Variants in AIPL1 observed in about 807,000 individuals in gnomAD.
AIPL1 encodes the protein aryl-hydrocarbon-interacting protein-like 1.
Under a neutral mutation model 32.9 loss-of-function variants are expected in AIPL1, and 23 were observed. The ratio of observed to expected loss-of-function variants is 0.70; its 90% confidence interval spans 0.50 to 0.99. AIPL1 has a LOEUF of 0.99. Among genes scored for constraint, AIPL1 ranks in the 50% least tolerant of loss-of-function variants. The pLI is 0.00. For synonymous variants in AIPL1, 210 were observed against 209.4 expected, an observed-to-expected ratio of 1.00 and a Z score of -0.02; for missense variants, 485 against 506.0, an observed-to-expected ratio of 0.96 and a Z score of 0.40.
rs748991824 is a variant in AIPL1, at chr17:6,426,963, C to T, written c.560G>A (p.Arg187Gln). The change falls in exon 4 of 6, where the codon CGG (arginine) becomes CAG (glutamine). Residue 187 changes from arginine (R) to glutamine (Q), a missense_variant. Transcript: ENST00000381129. ...CTCGTAGCGGCCCAGCTTGAAGAGCCGATTTCCCTCTCCGTGGAGGACGGG... is the reference window on the plus strand; with the variant it reads ...CTCGTAGCGGCCCAGCTTGAAGAGCTGATTTCCCTCTCCGTGGAGGACGGG... ...AVPVLHGEGN[R>Q]LFKLGRYEEA... 5.6e-6 allele frequency: 9 copies of T among 1,614,074 alleles called. No homozygotes were observed. Among genetic ancestry groups the T allele is most frequent in the African/African-American group, 1.3e-5 (1 of 74,924 alleles).
At chr17:6,433,221 T>A (rs1314540511) in intron 2 of AIPL1, among the ~76,000 whole-genome samples, 1 of 152,158 alleles carries the variant, frequency 6.6e-6, no homozygotes, top group Admixed American at 6.5e-5. Context: ...AAACTTGCAA[T>A]GTGAGGAGGA....
chr17:6,433,818 G>A lies in AIPL1; in HGVS notation c.276+101C>T, dbSNP rs56052619. On this transcript the variant is annotated intron_variant, in intron 2 of 5. Coordinates refer to ENST00000381129, the MANE Select transcript of AIPL1 (RefSeq NM_014336.5). ...TGCAGGACTGGCTTTGCAAAGCTTC[G>A]CTTGAGTCCCAGCTTTCCCGAAACA... 2.4e-3 allele frequency: 3,428 copies of A among 1,430,010 alleles called. 41 individuals carry two copies. The African/African-American group carries it at 0.039, about 16-fold the overall frequency. 88.6% of individuals were successfully genotyped at this position (1,430,010 alleles called of 1,614,324 possible).
At position 6,428,224 on chromosome 17, in the gene AIPL1, T is replaced by A. The variant is rs954650073; in HGVS notation, c.465+94A>T. On this transcript the variant is annotated intron_variant, in intron 3 of 5. Transcript: ENST00000381129. Reference sequence around the variant, plus strand: ...TATTATCTAAACAGAAACAGGGCACTGTCCAGTGGCCAGTGGGGTGGGGGT... The same window carrying A: ...TATTATCTAAACAGAAACAGGGCACAGTCCAGTGGCCAGTGGGGTGGGGGT... 6 of 1,370,246 alleles carry A rather than the reference T, an allele frequency of 4.4e-6. No individual in the cohort carries two copies. In the African/African-American group the frequency reaches 8.6e-5, roughly 20 times the overall value. 84.9% of individuals were successfully genotyped at this position (1,370,246 alleles called of 1,614,324 possible). A position where few individuals can be genotyped will look rare whatever the true frequency, so the allele number is the denominator to read the frequency against.
At chr17:6,426,529 A>G in intron 5 of AIPL1, 86 bp downstream of exon 5, 1 of 1,546,782 alleles carries the variant, frequency 6.5e-7, no homozygotes, top group South Asian at 1.2e-5. Flanking sequence ...TGGGGTGGAA[A>G]GAAAAGTCCA....
chr17:6,424,359 A>G lies in AIPL1; in HGVS notation c.*1101T>C, dbSNP rs1254406723. 3 of 152,214 alleles carry G rather than the reference A, an allele frequency of 2.0e-5. No homozygotes were observed. Among genetic ancestry groups the G allele is most frequent in the African/African-American group, 7.2e-5 (3 of 41,442 alleles). The allele number at this position is 152,214 out of a possible 1,614,324, so 9.4% of individuals were successfully genotyped here. A position where few individuals can be genotyped will look rare whatever the true frequency, so the allele number is the denominator to read the frequency against. On this transcript the variant is annotated 3_prime_UTR_variant, in exon 6 of 6. Transcript: ENST00000381129. Reference sequence around the variant, plus strand: ...AGAAGTTACTACTCCTTCCCTAGAAATCTTTGTATATGCAGCTCCTTAATC... The same window carrying G: ...AGAAGTTACTACTCCTTCCCTAGAAGTCTTTGTATATGCAGCTCCTTAATC...
At position 6,434,113 on chromosome 17, in the gene AIPL1, G is replaced by A. The variant is rs190887679; in HGVS notation, c.97-15C>T. 510 of 1,610,748 alleles carry A rather than the reference G, an allele frequency of 3.2e-4. No homozygotes were observed. Among genetic ancestry groups the A allele is most frequent in the African/African-American group, 9.9e-4 (74 of 74,872 alleles). On this transcript the variant is annotated splice_polypyrimidine_tract_variant and intron_variant, in intron 1 of 5. Transcript: ENST00000381129. ...TGAAAGATCACCTAGTCACCGAGAC[G>A]GTGCACTCTGCTCTAGACACACTGT...
At position 6,433,331 on chromosome 17, in the gene AIPL1, T is replaced by C. The variant is rs2150690389; in HGVS notation, c.276+588A>G. Among the ~76,000 whole-genome samples, 4 of 152,276 alleles carry C rather than the reference T, an allele frequency of 2.6e-5. No homozygotes were observed. The South Asian group carries it at 8.3e-4, about 32-fold the overall frequency. ...CAAGGACTTAGCCGGGCAAGATGGC[T>C]CATGCCTATAATTCCAGCACTCTGG... On this transcript the variant is annotated intron_variant, in intron 2 of 5. Transcript: ENST00000381129.
At chr17:6,427,797 G>A (rs1268755282) in intron 3 of AIPL1, among the ~76,000 whole-genome samples, 4 of 146,244 alleles carry the variant, frequency 2.7e-5, no homozygotes, top group Non-Finnish European at 1.5e-5. Flanking sequence ...TTTAAAAACT[G>A]GTTCCAAGTG....
At chr17:6,433,454 G>C (rs1196414041) in intron 2 of AIPL1, among the ~76,000 whole-genome samples, 1 of 152,112 alleles carries the variant, frequency 6.6e-6, no homozygotes, top group Non-Finnish European at 1.5e-5. Flanking sequence ...AAAATGAGGT[G>C]TGGTGGTGCA....
chr17:6,426,860 C>T lies in AIPL1; in HGVS notation c.642+21G>A, dbSNP rs199644708. The T allele has an allele frequency of 4.0e-4, 650 of 1,613,932 alleles. 2 individuals are homozygous for T. In the African/African-American group the frequency reaches 7.7e-3, roughly 19 times the overall value. On this transcript the variant is annotated intron_variant, in intron 4 of 5. Coordinates refer to ENST00000381129, the MANE Select transcript of AIPL1 (RefSeq NM_014336.5). Reference sequence around the variant, plus strand: ...CCCCAGAGTCAGCGCCACTTCCCACCCCTGGCCAGCGGCCTCTGACCTTGG... The same window carrying T: ...CCCCAGAGTCAGCGCCACTTCCCACTCCTGGCCAGCGGCCTCTGACCTTGG...
At chr17:6,434,872 C>A (rs1913018801) in intron 1 of AIPL1, 137 bp downstream of exon 1, 3 of 1,476,320 alleles carry the variant, frequency 2.0e-6, no homozygotes, top group African/African-American at 2.8e-5. Context: ...GCTGGGAGCT[C>A]CCCGGAGGCC....
At position 6,424,218 on chromosome 17, in the gene AIPL1, G is replaced by A. The variant is rs1911693171; in HGVS notation, c.*1242C>T. ...TAACTTGAAGATGAGCTAAAACAGG[G>A]GCGAGTGGAAGCGGCTTTCCCTAAG... On this transcript the variant is annotated 3_prime_UTR_variant, in exon 6 of 6. Coordinates refer to ENST00000381129, the MANE Select transcript of AIPL1 (RefSeq NM_014336.5). 1 of 152,302 alleles carries A rather than the reference G, an allele frequency of 6.6e-6. No homozygotes were observed. The highest frequency in any genetic ancestry group is 6.5e-5 in the Admixed American group (1 of 15,286). 9.4% of individuals were successfully genotyped at this position (152,302 alleles called of 1,614,324 possible).
chr17:6,425,494 G>A lies in AIPL1; in HGVS notation c.1121C>T (p.Pro374Leu). 1.2e-6 allele frequency: 2 copies of A among 1,606,704 alleles called. No individual in the cohort carries two copies. Among genetic ancestry groups the A allele is most frequent in the Middle Eastern group, 1.7e-4 (1 of 5,970 alleles). ...CAGCGAGTGCCCTGGGGACGGGGGT[G>A]GCTCTGTGGCTGGCTCTGCAGGGGG... is the stretch of plus-strand genomic sequence containing the variant. ...AGPPAEPATE[P>L]PPSPGHSLQH is the part of the protein sequence containing the mutation. The change falls in exon 6 of 6, where the codon CCA becomes CTA. Residue 374 changes from proline (P) to leucine (L), a missense_variant. Pro to Leu is a moderately conservative substitution (Grantham distance 98). Transcript: ENST00000381129.
rs150656720 is a variant in AIPL1, at chr17:6,434,055, G to C, written c.140C>G (p.Thr47Arg). 7.3e-4 allele frequency: 1,171 copies of C among 1,614,120 alleles called. 10 individuals are homozygous for C. In the African/African-American group the frequency reaches 0.012, roughly 16 times the overall value. Residue 47 changes from threonine to arginine, a missense_variant, in exon 2 of 6, where the codon ACA becomes AGA. By Grantham distance (71) the Thr-to-Arg change is moderately conservative. Coordinates refer to ENST00000381129, the MANE Select transcript of AIPL1 (RefSeq NM_014336.5). The part of the protein sequence containing the change: ...FRTMKCDEER[T>R]VIDDSRQVGQ... ...CACCTGCCGACTGTCGTCAATGACT[G>C]TCCGCTCCTCATCACATTTCATGGT... is the stretch of plus-strand genomic sequence containing the variant.
chr17:6,431,848 G>T (rs375817701), intron 2 of AIPL1, among the ~76,000 whole-genome samples: 2 of 152,264 alleles, frequency 1.3e-5, no homozygotes, highest in African/African-American at 4.8e-5. Flanking sequence ...TGTGATGTAC[G>T]TCTCCCAAAG....
At chr17:6,428,074 C>T (rs904068552) in intron 3 of AIPL1, among the ~76,000 whole-genome samples, 3 of 138,364 alleles carry the variant, frequency 2.2e-5, no homozygotes, top group African/African-American at 8.0e-5. Flanking sequence ...ACCCCCTCGG[C>T]CTCCCAAAGT....
At chr17:6,427,121 C>G (rs995281888) in intron 3 of AIPL1, 64 bp from the exon 4 acceptor site, 2 of 1,573,316 alleles carry the variant, frequency 1.3e-6, no homozygotes, top group Non-Finnish European at 8.7e-7. Flanking sequence ...ATCAGAGACC[C>G]GAAAAACAGG....
rs559574345 is a variant in AIPL1, at chr17:6,423,761, T to G, written c.*1699A>C. On this transcript the variant is annotated 3_prime_UTR_variant, in exon 6 of 6. Transcript: ENST00000381129. ...CAATCATGCAAATGCTGTTTATTGA[T>G]TTTCAGATTGTAGAATCAACCTATG... 2 of 152,344 alleles carry G rather than the reference T, an allele frequency of 1.3e-5. No individual in the cohort carries two copies. Among genetic ancestry groups the G allele is most frequent in the Admixed American group, 1.3e-4 (2 of 15,304 alleles). 9.4% of individuals were successfully genotyped at this position (152,344 alleles called of 1,614,324 possible). A position where few individuals can be genotyped will look rare whatever the true frequency, so the allele number is the denominator to read the frequency against.
Position 6,429,823 on chromosome 17 carries a change from G to GATA in AIPL1, c.277-1318_277-1317insTAT, listed in dbSNP as rs1912375889. Among the ~76,000 whole-genome samples, 164 of 43,486 alleles carry GATA rather than the reference G, an allele frequency of 3.8e-3. 1 individual carries two copies. Among genetic ancestry groups the GATA allele is most frequent in the African/African-American group, 7.4e-3 (147 of 19,980 alleles). 28.5% of individuals were successfully genotyped at this position (43,486 alleles called of 152,430 possible). A position where few individuals can be genotyped will look rare whatever the true frequency, so the allele number is the denominator to read the frequency against. On this transcript the variant is annotated intron_variant, in intron 2 of 5. Coordinates refer to ENST00000381129, the MANE Select transcript of AIPL1 (RefSeq NM_014336.5). The stretch of plus-strand genomic sequence containing the variant: ...AGATAGGTAGGTAGGTAGGTAGGTA[G>GATA]GTAGATAGATAGATAGATAGATAGA...
Sources: allele counts gnomAD v4.1 joint callset (sites outside exome capture counted in the v4.1 genomes callset), GRCh38; gene constraint gnomAD v4.1.1; transcripts MANE v1.5; gene names NCBI Gene and HGNC (gene_info 2026-07-23, HGNC 2026-07-21).